Variants in CCDC178 observed in about 807,000 individuals in gnomAD.
CCDC178 encodes the protein coiled-coil domain-containing protein 178.
Under a neutral mutation model 117.4 loss-of-function variants are expected in CCDC178, and 126 were observed. The observed-to-expected ratio is 1.07, with a 90% CI of 0.93 to 1.24. CCDC178 has a LOEUF of 1.24. Among genes scored for constraint, CCDC178 ranks in the 50% most tolerant of loss-of-function variants. CCDC178 has a pLI of 0.00. For synonymous variants in CCDC178, 283 were observed against 313.4 expected, an observed-to-expected ratio of 0.90 and a Z score of 1.02; for missense variants, 1,030 against 986.9, an observed-to-expected ratio of 1.04 and a Z score of -0.59.
chr18:33,341,384 C>T (rs1282242493), intron 9 of CCDC178, among the ~76,000 whole-genome samples: 1 of 152,110 alleles, frequency 6.6e-6, no homozygotes, highest in East Asian at 1.9e-4. Flanking sequence ...GAACTGTGGA[C>T]TTTTGGGTTA....
chr18:33,030,655 T>C (rs972083162), intron 21 of CCDC178, among the ~76,000 whole-genome samples: 1 of 150,280 alleles, frequency 6.7e-6, no homozygotes, highest in African/African-American at 2.5e-5. Context: ...AGATAGATGA[T>C]AGATGATAGA....
At chr18:33,174,315 C>T (rs1215172664) in intron 20 of CCDC178, among the ~76,000 whole-genome samples, 1 of 152,192 alleles carries the variant, frequency 6.6e-6, no homozygotes, top group African/African-American at 2.4e-5. Flanking sequence ...CTGGGGATTA[C>T]ATTTCAACAT....
At chr18:33,193,263 A>C (rs71363409) in intron 20 of CCDC178, among the ~76,000 whole-genome samples, 1 of 38,846 alleles carries the variant, frequency 2.6e-5, no homozygotes, top group Non-Finnish European at 4.8e-5. Flanking sequence ...ACTCCGTCTC[A>C]CAAAAAAAAA....
intron 22 of CCDC178, among the ~76,000 whole-genome samples, chr18:32,967,801 A>G (rs2054846001): frequency 6.7e-6 from 1 of 149,948 alleles, no homozygotes. Flanking sequence ...ATCATATAGA[A>G]TGTTCTTTTT....
intron 21 of CCDC178, among the ~76,000 whole-genome samples, chr18:33,013,321 T>A (rs1390631255): frequency 6.6e-6 from 1 of 152,198 alleles, no homozygotes; most frequent in Non-Finnish European, 1.5e-5. Flanking sequence ...TTGCTGGGTA[T>A]GGACACTATC....
chr18:33,346,999 G>A (rs1283218395), intron 8 of CCDC178, among the ~76,000 whole-genome samples: 7 of 151,998 alleles, frequency 4.6e-5, no homozygotes, highest in Non-Finnish European at 8.8e-5. Context: ...GGAATGATGC[G>A]GCTTAATGTT....
rs546021820 is a variant in CCDC178, at chr18:33,405,667, T to C, written c.58+6364A>G. 5.3e-5 allele frequency among the ~76,000 whole-genome samples: 8 copies of C among 152,186 alleles called. No individual in the cohort carries two copies. In the East Asian group the frequency reaches 1.5e-3, roughly 29 times the overall value. ...TATGAACATTCAAGAAATGAAAGAATATATTTCCTGGGATCCCTTTCTGAA... is the reference window on the plus strand; with the variant it reads ...TATGAACATTCAAGAAATGAAAGAACATATTTCCTGGGATCCCTTTCTGAA... On this transcript the variant is annotated intron_variant, in intron 3 of 22. Transcript: ENST00000383096.
chr18:33,432,669 A>G (rs1158398930), intron 2 of CCDC178, among the ~76,000 whole-genome samples: 1 of 152,190 alleles, frequency 6.6e-6, no homozygotes, highest in Non-Finnish European at 1.5e-5. Flanking sequence ...TGAATCTCCC[A>G]ATAAGGGAAA....
chr18:33,020,237 T>C (rs937145146), intron 21 of CCDC178, among the ~76,000 whole-genome samples: 3 of 151,336 alleles, frequency 2.0e-5, no homozygotes, highest in African/African-American at 7.3e-5. Flanking sequence ...TGAGCTACCA[T>C]GCCTGGCCGA....
At chr18:33,280,852 G>A (rs985251723) in intron 12 of CCDC178, among the ~76,000 whole-genome samples, 23 of 151,930 alleles carry the variant, frequency 1.5e-4, no homozygotes, top group African/African-American at 5.6e-4. Context: ...CTATCGCAAG[G>A]ACAAAAAACT....
chr18:32,995,885 ATCTT>A (rs1225570598), intron 21 of CCDC178, among the ~76,000 whole-genome samples: 1 of 146,986 alleles, frequency 6.8e-6, no homozygotes, highest in East Asian at 2.0e-4. Flanking sequence ...ATGCTTGTAA[ATCTT>A]TCTGATCCTA....
chr18:33,261,429 A>G (rs2059749591), intron 14 of CCDC178, among the ~76,000 whole-genome samples: 1 of 152,070 alleles, frequency 6.6e-6, no homozygotes, highest in African/African-American at 2.4e-5. Flanking sequence ...GCCCCCCTCT[A>G]TTGATTTACA....
At chr18:33,281,720 C>G (rs532122968) in intron 12 of CCDC178, among the ~76,000 whole-genome samples, 1 of 152,178 alleles carries the variant, frequency 6.6e-6, no homozygotes, top group African/African-American at 2.4e-5. Context: ...ATTATTTAAG[C>G]TTTGGCAGAA....
intron 21 of CCDC178, among the ~76,000 whole-genome samples, chr18:32,979,847 G>A (rs903654395): frequency 6.6e-6 from 1 of 152,136 alleles, no homozygotes; most frequent in Non-Finnish European, 1.5e-5. Flanking sequence ...GGAATTAAGA[G>A]TAATATTAGG....
chr18:33,025,658 G>A (rs2056213141), intron 21 of CCDC178, among the ~76,000 whole-genome samples: 2 of 152,128 alleles, frequency 1.3e-5, no homozygotes, highest in African/African-American at 4.8e-5. Context: ...AACATCATTA[G>A]CCATTAGGGG....
At chr18:33,098,272 G>A (rs535282493) in intron 20 of CCDC178, among the ~76,000 whole-genome samples, 3 of 152,112 alleles carry the variant, frequency 2.0e-5, no homozygotes, top group Non-Finnish European at 2.9e-5. Flanking sequence ...TACAATCATC[G>A]TGGTGTCTAT....
chr18:33,391,075 CTAT>C (rs2063558016), intron 4 of CCDC178, among the ~76,000 whole-genome samples: 1 of 149,464 alleles, frequency 6.7e-6, no homozygotes, highest in East Asian at 1.9e-4. Flanking sequence ...AATCAAATAG[CTAT>C]TATAATATAT....
intron 21 of CCDC178, among the ~76,000 whole-genome samples, chr18:32,984,848 C>T (rs1267269981): frequency 2.0e-5 from 3 of 151,876 alleles, no homozygotes; most frequent in Non-Finnish European, 3.0e-5. Flanking sequence ...TTGAAGCATA[C>T]ACTTCCTTGC....
intron 7 of CCDC178, 99 bp downstream of exon 7, chr18:33,356,225 G>C: frequency 8.2e-7 from 1 of 1,212,594 alleles, no homozygotes; most frequent in Non-Finnish European, 1.1e-6. Context: ...TCTTGCATTC[G>C]ATTTTCTATT....
Sources: allele counts gnomAD v4.1 joint callset (sites outside exome capture counted in the v4.1 genomes callset), GRCh38; gene constraint gnomAD v4.1.1; transcripts MANE v1.5; gene names NCBI Gene and HGNC (gene_info 2026-07-23, HGNC 2026-07-21).